The following PCSK5 variants were observed in gnomAD, a reference collection of about 807,000 sequenced individuals.
PCSK5 encodes prohormone convertase 5.
Under a neutral mutation model 233.2 loss-of-function variants are expected in PCSK5, and 129 were observed. That is an observed-to-expected ratio of 0.55 (90% confidence interval 0.48 to 0.64). PCSK5 has a LOEUF of 0.64. PCSK5 is among the 30% of genes least tolerant of loss of function. The probability of loss-of-function intolerance (pLI) is 0.00; values close to 1 mark genes in which losing one functional copy is unlikely to be tolerated. For missense variants in PCSK5, 2,076 were observed against 2,430.1 expected (o/e 0.85, Z 3.06); for synonymous variants, 825 against 879.2 (o/e 0.94, Z 1.09).
chr9:76,238,656 T>C (rs1243933904), intron 22 of PCSK5, among the ~76,000 whole-genome samples: 1 of 152,214 alleles, frequency 6.6e-6, no homozygotes, highest in Non-Finnish European at 1.5e-5. Context: ...TTTTGAATTG[T>C]AGTTAAACAC....
chr9:75,896,150 T>A (rs991976834), intron 1 of PCSK5, among the ~76,000 whole-genome samples: 1 of 152,216 alleles, frequency 6.6e-6, no homozygotes, highest in Non-Finnish European at 1.5e-5. Flanking sequence ...CTCATATGCA[T>A]ATTTCTTATG....
Position 76,354,034 on chromosome 9 carries a change from G to C in PCSK5, c.5069G>C (p.Gly1690Ala). 1 of 1,606,610 alleles carries C rather than the reference G, an allele frequency of 6.2e-7. No individual in the cohort carries two copies. Among genetic ancestry groups the C allele is most frequent in the Non-Finnish European group, 8.5e-7 (1 of 1,176,788 alleles). ...CLVGEYRVGE[G>A]EKFNCEKCHE... ...GAACCTCTTGATTGCTCTTAACAGGGAGAGAAGTTTAACTGTGAAAAATGC... is the reference window on the plus strand; with the variant it reads ...GAACCTCTTGATTGCTCTTAACAGGCAGAGAAGTTTAACTGTGAAAAATGC... Residue 1690 changes from glycine (G) to alanine (A), a missense_variant and splice_region_variant, in exon 37 of 38, where the codon GGA becomes GCA. This residue lies in a region of PCSK5 where 1,510 missense variants were observed against 1,538.1 expected (regional missense o/e 0.98). Coordinates refer to ENST00000674117, the MANE Select transcript of PCSK5 (RefSeq NM_001372043.1).
At position 76,175,033 on chromosome 9, in the gene PCSK5, C is replaced by T; in HGVS notation, c.1804C>T (p.Pro602Ser). ...GGTCCTCTACGGCACCTCCGTGCAGCCATATTCACCAACCAATGAATTTCC... is the reference window on the plus strand; with the variant it reads ...GGTCCTCTACGGCACCTCCGTGCAGTCATATTCACCAACCAATGAATTTCC... The part of the protein sequence containing the change: ...SLVLYGTSVQ[P>S]YSPTNEFPKV... Residue 602 changes from proline to serine, a missense_variant, in exon 14 of 38, where the codon CCA becomes TCA. Physicochemically the swap from Pro to Ser is moderately conservative, Grantham distance 74 (BLOSUM62 -1). Coordinates refer to ENST00000674117, the MANE Select transcript of PCSK5 (RefSeq NM_001372043.1). 1 of 1,613,866 alleles carries T rather than the reference C, an allele frequency of 6.2e-7. No individual in the cohort carries two copies. Among genetic ancestry groups the T allele is most frequent in the Non-Finnish European group, 8.5e-7 (1 of 1,179,788 alleles).
chr9:75,965,509 G>A (rs767163314), intron 2 of PCSK5, among the ~76,000 whole-genome samples: 2 of 152,178 alleles, frequency 1.3e-5, no homozygotes, highest in Non-Finnish European at 2.9e-5. Flanking sequence ...ATGCAGGCAC[G>A]TGGGAAGGGA....
Position 76,354,163 on chromosome 9 carries a change from GC to G in PCSK5, c.5199del (p.Cys1733Ter). 1 of 1,592,730 alleles carries G rather than the reference GC, an allele frequency of 6.3e-7. No individual in the cohort carries two copies. The highest frequency in any genetic ancestry group is 8.5e-7 in the Non-Finnish European group (1 of 1,170,324). On this transcript the variant is annotated frameshift_variant, in exon 37 of 38. Transcript: ENST00000674117. LOFTEE classifies it high-confidence loss of function. Reference sequence around the variant, plus strand: ...GACGACAGCCACTGCCTCCACTGCTGCAACACCTCTGATCCCCCCAGTGCCC... The same window carrying G: ...GACGACAGCCACTGCCTCCACTGCTGAACACCTCTGATCCCCCCAGTGCCC... Reference protein sequence around the residue: ...HMDDSHCLHCCNTSDPPSAQE... With the variant: ...HMDDSHCLHCXNTSDPPSAQE...
At chr9:75,986,476 A>C (rs1443507939) in intron 3 of PCSK5, among the ~76,000 whole-genome samples, 2 of 152,216 alleles carry the variant, frequency 1.3e-5, no homozygotes, top group Non-Finnish European at 2.9e-5. Flanking sequence ...GACTCACAGA[A>C]ATTCTGTTTG....
At chr9:76,188,143 G>A (rs555466406) in intron 17 of PCSK5, among the ~76,000 whole-genome samples, 1 of 152,312 alleles carries the variant, frequency 6.6e-6, no homozygotes, top group Non-Finnish European at 1.5e-5. Flanking sequence ...ATTGTACCAT[G>A]TGTTCCTACT....
chr9:76,020,236 C>A lies in PCSK5; in HGVS notation c.412-3502C>A, dbSNP rs28373801. On this transcript the variant is annotated intron_variant, in intron 3 of 37. Transcript: ENST00000674117. ...ATAGATTCCTGTCAAATAAATAGGG[C>A]CTAGTTTAAAGACCATTTCAACTAG... is the stretch of plus-strand genomic sequence containing the variant. Among the ~76,000 whole-genome samples, 494 of 152,188 alleles carry A rather than the reference C, an allele frequency of 3.2e-3. 3 individuals are homozygous for A. The highest frequency in any genetic ancestry group is 0.011 in the African/African-American group (448 of 41,516).
At chr9:76,248,230 T>A (rs1826682953) in intron 24 of PCSK5, among the ~76,000 whole-genome samples, 2 of 152,296 alleles carry the variant, frequency 1.3e-5, no homozygotes, top group South Asian at 2.1e-4. Context: ...GCACCCAACC[T>A]TTAGCTGTAT....
At chr9:75,948,322 C>G (rs372744271) in intron 2 of PCSK5, among the ~76,000 whole-genome samples, 25 of 144,018 alleles carry the variant, frequency 1.7e-4, no homozygotes, top group East Asian at 1.7e-3. Context: ...CCCCCCACCC[C>G]CCGAAAGGCC....
intron 18 of PCSK5, 143 bp downstream of exon 18, chr9:76,188,818 A>G (rs954361399): frequency 1.2e-5 from 8 of 666,696 alleles, no homozygotes; most frequent in African/African-American, 7.2e-5. Flanking sequence ...TTGTGTGTGT[A>G]TTCTCATTGA....
chr9:75,963,713 T>G (rs2131348731), intron 2 of PCSK5, among the ~76,000 whole-genome samples: 1 of 152,294 alleles, frequency 6.6e-6, no homozygotes, highest in East Asian at 1.9e-4. Context: ...ACCCCGTCTC[T>G]ACTAAAAATA....
At chr9:75,947,988 C>T (rs990606500) in intron 2 of PCSK5, among the ~76,000 whole-genome samples, 6 of 151,982 alleles carry the variant, frequency 3.9e-5, no homozygotes, top group East Asian at 1.9e-4. Flanking sequence ...ACCACAGGCA[C>T]GTACTACCAT....
chr9:76,247,747 G>C (rs754414428), intron 24 of PCSK5, among the ~76,000 whole-genome samples: 1 of 152,058 alleles, frequency 6.6e-6, no homozygotes, highest in Non-Finnish European at 1.5e-5. Flanking sequence ...AAAGGTAAAG[G>C]AGATGGGCAG....
chr9:76,145,541 G>A (rs1823411950), intron 10 of PCSK5, among the ~76,000 whole-genome samples: 1 of 152,138 alleles, frequency 6.6e-6, no homozygotes. Flanking sequence ...CTGTGATTGA[G>A]GTAAACAGGA....
At chr9:75,932,790 G>A (rs957020278) in intron 2 of PCSK5, among the ~76,000 whole-genome samples, 6 of 152,148 alleles carry the variant, frequency 3.9e-5, no homozygotes, top group Admixed American at 2.6e-4. Flanking sequence ...TGATTGAACT[G>A]TTAACAATAC....
intron 27 of PCSK5, among the ~76,000 whole-genome samples, chr9:76,297,660 C>T: frequency 6.6e-6 from 1 of 152,218 alleles, no homozygotes; most frequent in East Asian, 1.9e-4. Flanking sequence ...AAATCTGACT[C>T]ATGTTCTATG....
chr9:76,326,505 A>G (rs1829362882), intron 32 of PCSK5, among the ~76,000 whole-genome samples: 1 of 152,236 alleles, frequency 6.6e-6, no homozygotes, highest in Non-Finnish European at 1.5e-5. Context: ...TAAAAGTCCC[A>G]TACCTTTCCT....
chr9:76,162,096 G>A (rs779594860), intron 12 of PCSK5, among the ~76,000 whole-genome samples: 7 of 152,174 alleles, frequency 4.6e-5, no homozygotes, highest in Admixed American at 1.3e-4. Context: ...AAAGGATATT[G>A]TGAATTCATT....
Sources: gnomAD v4.1 joint callset for allele counts (sites outside exome capture counted in the v4.1 genomes callset) on GRCh38, gnomAD v4.1.1 for gene constraint, gnomAD v4.1.1 regional missense constraint, MANE v1.5 for transcripts, NCBI Gene and HGNC (gene_info 2026-07-23, HGNC 2026-07-21) for gene names.